KCNH8: variants seen among roughly 807,000 people sequenced by gnomAD.
KCNH8 encodes the protein potassium voltage-gated channel subfamily H member 8, also known as voltage-gated delayed rectifier potassium channel KCNH8.
In KCNH8, 70 loss-of-function variants were observed where a neutral mutation model predicts 103.6. The ratio of observed to expected loss-of-function variants is 0.68; its 90% CI spans 0.56 to 0.82. KCNH8 has a LOEUF of 0.82. Among genes scored for constraint, KCNH8 ranks in the 40% least tolerant of loss-of-function variants. The pLI is 0.00. For missense variants in KCNH8, 1,217 were observed against 1,329.9 expected (o/e 0.92, Z 1.32); for synonymous variants, 498 against 489.4 (o/e 1.02, Z -0.23).
rs992411863 is a variant in KCNH8, at chr3:19,451,474, A to G, written c.1825+70A>G. ...ATAAATTAAGAAGATGAAATGGGGGAAAAAACTGCTATTGAGAGTAGGAAA... is the reference window on the plus strand; with the variant it reads ...ATAAATTAAGAAGATGAAATGGGGGGAAAAACTGCTATTGAGAGTAGGAAA... On this transcript the variant is annotated intron_variant, in intron 10 of 15. Transcript: ENST00000328405. The G allele has an allele frequency of 7.7e-5, 107 of 1,394,762 alleles. 1 individual carries two copies. The highest frequency in any genetic ancestry group is 6.8e-4 in the African/African-American group (48 of 70,108). 86.4% of individuals were successfully genotyped at this position (1,394,762 alleles called of 1,614,324 possible). A position where few individuals can be genotyped will look rare whatever the true frequency, so the allele number is the denominator to read the frequency against.
At chr3:19,257,077 G>A (rs2064356010) in intron 2 of KCNH8, among the ~76,000 whole-genome samples, 1 of 151,912 alleles carries the variant, frequency 6.6e-6, no homozygotes, top group South Asian at 2.1e-4. Context: ...TTGATTATTA[G>A]CCTATGGGTA....
At chr3:19,286,163 A>C (rs757781933) in intron 3 of KCNH8, among the ~76,000 whole-genome samples, 1 of 152,132 alleles carries the variant, frequency 6.6e-6, no homozygotes, top group Non-Finnish European at 1.5e-5. Context: ...ATGAAGGAAA[A>C]CGAGATCTTT....
chr3:19,488,458 T>C (rs1037008446), intron 11 of KCNH8, among the ~76,000 whole-genome samples: 4 of 152,234 alleles, frequency 2.6e-5, no homozygotes, highest in African/African-American at 9.6e-5. Context: ...TTTGCAATTT[T>C]TTCCTGTTAT....
chr3:19,308,761 C>CCTCCCT (rs1491021043), intron 3 of KCNH8, among the ~76,000 whole-genome samples: 5 of 31,008 alleles, frequency 1.6e-4, no homozygotes, highest in African/African-American at 9.4e-4. Flanking sequence ...TCCCTCTCTC[C>CCTCCCT]CTCTCTCCCT....
In KCNH8 at chr3:19,471,213, T is replaced by G. The variant is rs560437114; in HGVS notation, c.2040+14231T>G. Among the ~76,000 whole-genome samples the G allele has an allele frequency of 3.9e-5, 6 of 152,306 alleles. No individual in the cohort carries two copies. The East Asian group carries it at 1.2e-3, about 29-fold the overall frequency. ...TCCATCCTGAAGAGAACAGCAGATGTTCAGCCTTAAATAAAGTGTTAAATT... is the reference window on the plus strand; with the variant it reads ...TCCATCCTGAAGAGAACAGCAGATGGTCAGCCTTAAATAAAGTGTTAAATT... On this transcript the variant is annotated intron_variant, in intron 11 of 15. Coordinates refer to ENST00000328405, the MANE Select transcript of KCNH8 (RefSeq NM_144633.3).
chr3:19,257,443 T>G (rs2064360867), intron 2 of KCNH8, among the ~76,000 whole-genome samples: 1 of 152,028 alleles, frequency 6.6e-6, no homozygotes, highest in East Asian at 1.9e-4. Flanking sequence ...TCATGTCCTA[T>G]TTGTTTTCTT....
intron 1 of KCNH8, among the ~76,000 whole-genome samples, chr3:19,234,183 TCCA>T (rs1056723877): frequency 1.3e-5 from 2 of 152,178 alleles, no homozygotes; most frequent in African/African-American, 4.8e-5. Context: ...ACAAAGGTTC[TCCA>T]CGTCCCTACC....
intron 5 of KCNH8, 28 bp downstream of exon 5, chr3:19,347,993 A>G (rs1273177688): frequency 6.2e-7 from 1 of 1,605,870 alleles, no homozygotes; most frequent in Admixed American, 1.7e-5. Flanking sequence ...CTTTCCTACG[A>G]TATTTGCATA....
intron 1 of KCNH8, among the ~76,000 whole-genome samples, chr3:19,228,222 T>TAA (rs1391726940): frequency 2.0e-5 from 3 of 152,226 alleles, no homozygotes; most frequent in African/African-American, 7.2e-5. Flanking sequence ...TATTATTATT[T>TAA]AATGACAATA....
chr3:19,190,733 T>G (rs1390376061), intron 1 of KCNH8, among the ~76,000 whole-genome samples: 1 of 151,944 alleles, frequency 6.6e-6, no homozygotes, highest in Admixed American at 6.6e-5. Context: ...GCAATAAGTT[T>G]GCTTTCACAA....
chr3:19,157,410 T>C (rs1275448645), intron 1 of KCNH8, among the ~76,000 whole-genome samples: 1 of 152,138 alleles, frequency 6.6e-6, no homozygotes, highest in Admixed American at 6.5e-5. Context: ...TTGGTTAGGC[T>C]ACATCTCAGT....
At chr3:19,337,159 C>T (rs559156225) in intron 3 of KCNH8, among the ~76,000 whole-genome samples, 8 of 152,022 alleles carry the variant, frequency 5.3e-5, no homozygotes, top group African/African-American at 1.9e-4. Flanking sequence ...TATCAGCCCT[C>T]CCACTTACTG....
intron 1 of KCNH8, among the ~76,000 whole-genome samples, chr3:19,233,636 C>A (rs73048554): frequency 6.6e-6 from 1 of 152,146 alleles, no homozygotes; most frequent in Non-Finnish European, 1.5e-5. Flanking sequence ...GCCTGGGCCA[C>A]TGTCTGTGTG....
chr3:19,249,650 T>C, intron 1 of KCNH8, among the ~76,000 whole-genome samples: 1 of 152,154 alleles, frequency 6.6e-6, no homozygotes, highest in East Asian at 1.9e-4. Flanking sequence ...CTAAGGAAAT[T>C]AATAAATGAA....
intron 1 of KCNH8, among the ~76,000 whole-genome samples, chr3:19,232,638 C>T (rs1465732902): frequency 6.6e-6 from 1 of 152,162 alleles, no homozygotes; most frequent in Non-Finnish European, 1.5e-5. Flanking sequence ...TAGTCACTGG[C>T]ACACTGTTTC....
intron 13 of KCNH8, 79 bp from the exon 14 acceptor site, chr3:19,515,243 A>T: frequency 1.3e-6 from 1 of 743,968 alleles, no homozygotes; most frequent in Non-Finnish European, 2.2e-6. Flanking sequence ...AATTTAACAT[A>T]ATATCTTTTA....
At chr3:19,170,789 CATATAT>C (rs35694087) in intron 1 of KCNH8, among the ~76,000 whole-genome samples, 1 of 108,058 alleles carries the variant, frequency 9.3e-6, no homozygotes, top group Admixed American at 9.9e-5. Context: ...CACACACACA[CATATAT>C]ATATATATAT....
chr3:19,231,895 C>T (rs2063998932), intron 1 of KCNH8, among the ~76,000 whole-genome samples: 3 of 152,152 alleles, frequency 2.0e-5, no homozygotes, highest in African/African-American at 7.2e-5. Flanking sequence ...AGTGCCTTTG[C>T]CAGGTAAATA....
intron 8 of KCNH8, among the ~76,000 whole-genome samples, chr3:19,444,347 A>G (rs2067330857): frequency 6.6e-6 from 1 of 152,010 alleles, no homozygotes; most frequent in African/African-American, 2.4e-5. Context: ...TGTACATAAA[A>G]ATTAATTCCA....
Sources: allele counts gnomAD v4.1 joint callset (sites outside exome capture counted in the v4.1 genomes callset), GRCh38; gene constraint gnomAD v4.1.1; transcripts MANE v1.5; gene names NCBI Gene and HGNC (gene_info 2026-07-23, HGNC 2026-07-21).